ZFAND4: variants seen among roughly 807,000 people sequenced by gnomAD.
ZFAND4 encodes AN1-type zinc finger protein 4.
Under a neutral mutation model 64.4 loss-of-function variants are expected in ZFAND4, and 43 were observed. The ratio of observed to expected loss-of-function variants is 0.67; its 90% confidence interval spans 0.52 to 0.86. The LOEUF (loss-of-function observed/expected upper bound fraction) is 0.86. Ranked by LOEUF, ZFAND4 falls within the 40% of genes least tolerant of loss-of-function variation. The pLI is 0.00. For missense variants in ZFAND4, 929 were observed against 859.8 expected (o/e 1.08, Z -1.01); for synonymous variants, 296 against 305.7 (o/e 0.97, Z 0.33).
chr10:45,628,051 A>T (rs886225373), intron 6 of ZFAND4, among the ~76,000 whole-genome samples: 7 of 152,190 alleles, frequency 4.6e-5, no homozygotes, highest in African/African-American at 1.7e-4. Flanking sequence ...GGCATGGTAG[A>T]TTTTTTAAAA....
intron 1 of ZFAND4, among the ~76,000 whole-genome samples, chr10:45,669,233 T>A (rs554378458): frequency 6.6e-6 from 1 of 152,192 alleles, no homozygotes; most frequent in East Asian, 1.9e-4. Flanking sequence ...CAAACTACCA[T>A]CAGAGAATAC....
chr10:45,642,242 T>C (rs919018185), intron 5 of ZFAND4, among the ~76,000 whole-genome samples: 1 of 152,120 alleles, frequency 6.6e-6, no homozygotes, highest in Admixed American at 6.6e-5. Flanking sequence ...ATTACTGTCA[T>C]GAAAAGACCT....
At chr10:45,619,756 A>G (rs1440465027) in intron 8 of ZFAND4, among the ~76,000 whole-genome samples, 1 of 152,166 alleles carries the variant, frequency 6.6e-6, no homozygotes, top group East Asian at 1.9e-4. Flanking sequence ...GCAAAATTAA[A>G]TCTTCTTTAT....
chr10:45,627,316 A>G (rs1295926184), intron 6 of ZFAND4, among the ~76,000 whole-genome samples: 1 of 152,194 alleles, frequency 6.6e-6, no homozygotes, highest in Non-Finnish European at 1.5e-5. Context: ...ATATTAAAGA[A>G]AAATAATTTT....
chr10:45,618,067 T>C, intron 9 of ZFAND4, 73 bp downstream of exon 9: 1 of 1,498,408 alleles, frequency 6.7e-7, no homozygotes, highest in African/African-American at 1.4e-5. Context: ...AATTTAAATA[T>C]TTTATTTTGC....
intron 8 of ZFAND4, chr10:45,620,837 C>T (rs2045365608): frequency 6.6e-6 from 1 of 152,192 alleles, no homozygotes; most frequent in Non-Finnish European, 1.5e-5. Context: ...TAAACTCTAC[C>T]TTGTCAACCC....
intron 5 of ZFAND4, among the ~76,000 whole-genome samples, chr10:45,643,004 ACCTC>A (rs1168182104): frequency 7.8e-6 from 1 of 128,298 alleles, no homozygotes; most frequent in East Asian, 2.3e-4. Flanking sequence ...CGCAACCTCC[ACCTC>A]CCGGGTTCAA....
chr10:45,648,679 C>A, intron 4 of ZFAND4, 145 bp from the exon 5 acceptor site: 6 of 962,264 alleles, frequency 6.2e-6, no homozygotes, highest in Non-Finnish European at 8.5e-6. Flanking sequence ...AGTTTCTGAT[C>A]TTTCTACAAT....
chr10:45,640,572 C>G (rs2046926793), intron 5 of ZFAND4, among the ~76,000 whole-genome samples: 1 of 152,062 alleles, frequency 6.6e-6, no homozygotes, highest in Admixed American at 6.6e-5. Context: ...CTCACTGCAA[C>G]CTCTGCCTCC....
intron 4 of ZFAND4, 134 bp from the exon 5 acceptor site, chr10:45,648,668 A>G: frequency 9.7e-7 from 1 of 1,027,586 alleles, no homozygotes; most frequent in Non-Finnish European, 1.3e-6. Flanking sequence ...TTCTTCAAAT[A>G]AGTTTCTGAT....
At chr10:45,663,391 G>C (rs2048602448) in intron 2 of ZFAND4, 151 bp downstream of exon 2, 1 of 591,322 alleles carries the variant, frequency 1.7e-6, no homozygotes. Flanking sequence ...GCTGATAAAT[G>C]TTGGAGAGAG....
intron 1 of ZFAND4, among the ~76,000 whole-genome samples, chr10:45,666,508 G>A (rs1299874056): frequency 6.6e-6 from 1 of 151,424 alleles, no homozygotes; most frequent in East Asian, 1.9e-4. Flanking sequence ...TCTTTTGATA[G>A]TATCTTTTGA....
At chr10:45,620,055 G>A (rs1221110352) in intron 8 of ZFAND4, among the ~76,000 whole-genome samples, 1 of 152,120 alleles carries the variant, frequency 6.6e-6, no homozygotes, top group Non-Finnish European at 1.5e-5. Context: ...TAAAATTCAG[G>A]CTTAGGATAT....
intron 8 of ZFAND4, among the ~76,000 whole-genome samples, chr10:45,621,605 G>A (rs2045429753): frequency 6.6e-6 from 1 of 151,940 alleles, no homozygotes; most frequent in Admixed American, 6.6e-5. Context: ...AGCCGGGTGT[G>A]GTGGCGGGCA....
intron 6 of ZFAND4, among the ~76,000 whole-genome samples, chr10:45,633,215 C>CA (rs201868878): frequency 0.023 from 2,049 of 87,794 alleles, 22 homozygotes; most frequent in Non-Finnish European, 0.036. Flanking sequence ...ATCAAGTTGA[C>CA]AAAAAAAAAA....
At chr10:45,637,947 G>T (rs1181460429) in intron 6 of ZFAND4, among the ~76,000 whole-genome samples, 1 of 152,006 alleles carries the variant, frequency 6.6e-6, no homozygotes, top group Non-Finnish European at 1.5e-5. Flanking sequence ...AAAAGGCAGA[G>T]AACTCAATTT....
At position 45,626,968 on chromosome 10, in the gene ZFAND4, A is replaced by T. The variant is rs762707158; in HGVS notation, c.855T>A (p.Asn285Lys). Residue 285 changes from asparagine (N) to lysine (K), a missense_variant, in exon 7 of 10, where the codon AAT becomes AAA. Coordinates refer to ENST00000344646, the MANE Select transcript of ZFAND4 (RefSeq NM_174890.4). ...TCCTGGAGATTTCGGGCGGATATGC[A>T]TTCCCAAAAGCAGGTGAACAAGATT... is the stretch of plus-strand genomic sequence containing the variant. ...IGQSCSPAFG[N>K]AYPPEISRNG... 6.2e-7 allele frequency: 1 copy of T among 1,614,218 alleles called. No homozygotes were observed. The highest frequency in any genetic ancestry group is 8.5e-7 in the Non-Finnish European group (1 of 1,180,030).
intron 2 of ZFAND4, among the ~76,000 whole-genome samples, chr10:45,658,499 A>G (rs989276923): frequency 6.6e-6 from 1 of 152,226 alleles, no homozygotes; most frequent in Non-Finnish European, 1.5e-5. Flanking sequence ...CTAATACAAT[A>G]TGTGAATTGT....
chr10:45,648,177 C>T lies in ZFAND4; in HGVS notation c.569+117G>A, dbSNP rs569838520. The T allele has an allele frequency of 5.9e-5, 61 of 1,035,836 alleles. No individual in the cohort carries two copies. In the East Asian group the frequency reaches 1.0e-3, roughly 18 times the overall value. The allele number at this position is 1,035,836 out of a possible 1,614,324, so 64.2% of individuals were successfully genotyped here. On this transcript the variant is annotated intron_variant, in intron 5 of 9. Coordinates refer to ENST00000344646, the MANE Select transcript of ZFAND4 (RefSeq NM_174890.4). ...CCTCAGTTTTATCATATCAATTATACGAAGGACAATTTCAGACTTATATAT... is the reference window on the plus strand; with the variant it reads ...CCTCAGTTTTATCATATCAATTATATGAAGGACAATTTCAGACTTATATAT...
Sources: gnomAD v4.1 joint callset for allele counts (sites outside exome capture counted in the v4.1 genomes callset) on GRCh38, gnomAD v4.1.1 for gene constraint, MANE v1.5 for transcripts, NCBI Gene and HGNC (gene_info 2026-07-23, HGNC 2026-07-21) for gene names.